CDYL2: variants seen among roughly 807,000 people sequenced by gnomAD.
CDYL2 encodes chromodomain Y-like protein 2.
A neutral mutation model predicts 49.4 loss-of-function variants in CDYL2; 23 were observed. The ratio of observed to expected loss-of-function variants is 0.47; its 90% CI spans 0.34 to 0.66. CDYL2 has a LOEUF of 0.66. Among genes scored for constraint, CDYL2 ranks in the 30% least tolerant of loss-of-function variants. CDYL2 has a pLI of 0.01. For synonymous variants in CDYL2, 360 were observed against 268.8 expected (o/e 1.34, Z -3.32); for missense variants, 678 against 656.4 (o/e 1.03, Z -0.36).
chr16:80,721,766 G>A (rs1474110041), intron 1 of CDYL2, among the ~76,000 whole-genome samples: 1 of 152,168 alleles, frequency 6.6e-6, no homozygotes, highest in Non-Finnish European at 1.5e-5. Context: ...GTGACCACAG[G>A]GAAGACAGAA....
rs1182901429 is a variant in CDYL2 at position 80,603,698 on chromosome 16, C to T, written c.*690G>A. 1.3e-5 allele frequency: 2 copies of T among 152,614 alleles called. No individual in the cohort carries two copies. The highest frequency in any genetic ancestry group is 4.8e-5 in the African/African-American group (2 of 41,448). The allele number at this position is 152,614 out of a possible 1,614,324, so 9.5% of individuals were successfully genotyped here. A position where few individuals can be genotyped will look rare whatever the true frequency, so the allele number is the denominator to read the frequency against. On this transcript the variant is annotated 3_prime_UTR_variant, in exon 7 of 7. Transcript: ENST00000570137. Reference sequence around the variant, plus strand: ...AAAACAAGTCCAAGGAAAGAAAAAACATTTCCCTAGTAGTTTGTTTTTGCA... The same window carrying T: ...AAAACAAGTCCAAGGAAAGAAAAAATATTTCCCTAGTAGTTTGTTTTTGCA...
chr16:80,675,916 G>C (rs143624876), intron 2 of CDYL2, among the ~76,000 whole-genome samples: 86 of 152,254 alleles, frequency 5.6e-4, no homozygotes, highest in African/African-American at 1.9e-3. Context: ...AGGACATTGA[G>C]GGAGGAAAAC....
At chr16:80,788,552 C>T (rs764191759) in intron 1 of CDYL2, among the ~76,000 whole-genome samples, 1 of 152,196 alleles carries the variant, frequency 6.6e-6, no homozygotes, top group Non-Finnish European at 1.5e-5. Context: ...CTGTGGAAAG[C>T]ACAGGTGCAA....
At chr16:80,800,136 T>A (rs554151459) in intron 1 of CDYL2, among the ~76,000 whole-genome samples, 14 of 152,318 alleles carry the variant, frequency 9.2e-5, no homozygotes, top group African/African-American at 3.4e-4. Flanking sequence ...GGAAATGCAC[T>A]CAAGTGCCTT....
chr16:80,748,494 G>A (rs994047899), intron 1 of CDYL2, among the ~76,000 whole-genome samples: 1 of 91,494 alleles, frequency 1.1e-5, no homozygotes, highest in Non-Finnish European at 1.9e-5. Context: ...GGGCGACAGA[G>A]CAAAACTCCA....
At chr16:80,711,829 C>T (rs527495031) in intron 1 of CDYL2, among the ~76,000 whole-genome samples, 1 of 152,136 alleles carries the variant, frequency 6.6e-6, no homozygotes, top group Non-Finnish European at 1.5e-5. Flanking sequence ...GTCTGATGTA[C>T]CTAGCAAGAG....
At chr16:80,655,967 C>T (rs1055481232) in intron 2 of CDYL2, among the ~76,000 whole-genome samples, 8 of 152,182 alleles carry the variant, frequency 5.3e-5, no homozygotes, top group African/African-American at 1.9e-4. Context: ...GCTTAGGGCT[C>T]TGCAGTCAGA....
chr16:80,642,338 G>C (rs1456527751), intron 2 of CDYL2, among the ~76,000 whole-genome samples: 1 of 152,262 alleles, frequency 6.6e-6, no homozygotes, highest in East Asian at 1.9e-4. Context: ...AGCTACTTGG[G>C]AGGCTGAGTT....
chr16:80,697,868 A>G (rs1904282220), intron 1 of CDYL2, among the ~76,000 whole-genome samples: 1 of 152,186 alleles, frequency 6.6e-6, no homozygotes, highest in Non-Finnish European at 1.5e-5. Flanking sequence ...TACAATGGAA[A>G]GAATAAAACA....
chr16:80,604,472 GCATTCCTT>G lies in CDYL2; in HGVS notation c.1429_1436del (p.Lys477ProfsTer14). 1 of 1,614,154 alleles carries G rather than the reference GCATTCCTT, an allele frequency of 6.2e-7. No individual in the cohort carries two copies. Among genetic ancestry groups the G allele is most frequent in the Non-Finnish European group, 8.5e-7 (1 of 1,180,020 alleles). On this transcript the variant is annotated frameshift_variant, in exon 7 of 7. Transcript: ENST00000570137. LOFTEE classifies it high-confidence loss of function. Reference sequence around the variant, plus strand: ...AGCTCCAGAGCTGCTTGAGCATGAGGCATTCCTTCTCGTTCACGTCTTCCAGCACTGAT... The same window carrying G: ...AGCTCCAGAGCTGCTTGAGCATGAGGCTCGTTCACGTCTTCCAGCACTGAT...
chr16:80,792,488 G>A (rs1907640362), intron 1 of CDYL2, among the ~76,000 whole-genome samples: 1 of 152,152 alleles, frequency 6.6e-6, no homozygotes. Flanking sequence ...CCATAAGCAT[G>A]CTCCTAACAC....
intron 2 of CDYL2, among the ~76,000 whole-genome samples, chr16:80,670,314 T>C (rs1439329860): frequency 1.3e-5 from 2 of 152,006 alleles, no homozygotes; most frequent in Non-Finnish European, 2.9e-5. Flanking sequence ...CTCATGCTGT[T>C]CTTGTGATAC....
At chr16:80,606,821 T>C (rs1906357566) in intron 6 of CDYL2, among the ~76,000 whole-genome samples, 1 of 151,978 alleles carries the variant, frequency 6.6e-6, no homozygotes, top group African/African-American at 2.4e-5. Flanking sequence ...GATGATTTTA[T>C]AAGGGGTTTC....
At chr16:80,630,071 T>C (rs1387416470) in intron 3 of CDYL2, among the ~76,000 whole-genome samples, 1 of 152,234 alleles carries the variant, frequency 6.6e-6, no homozygotes, top group Middle Eastern at 3.2e-3. Flanking sequence ...CTAAAACCTG[T>C]ATTCCTCCTC....
intron 2 of CDYL2, among the ~76,000 whole-genome samples, chr16:80,639,927 A>G (rs2142402607): frequency 6.6e-6 from 1 of 152,308 alleles, no homozygotes; most frequent in East Asian, 1.9e-4. Flanking sequence ...GACCAGCCCT[A>G]GCCAGAGGGG....
In CDYL2 at chr16:80,768,037, C is replaced by T. The variant is rs139669492; in HGVS notation, c.24+36113G>A. Reference sequence around the variant, plus strand: ...CCTGTTTGTTAGACCATTTCTACTCCTCCCAGTTCATATAAGCTAACACCA... The same window carrying T: ...CCTGTTTGTTAGACCATTTCTACTCTTCCCAGTTCATATAAGCTAACACCA... On this transcript the variant is annotated intron_variant, in intron 1 of 6. Transcript: ENST00000570137. Among the ~76,000 whole-genome samples, 68 of 152,276 alleles carry T rather than the reference C, an allele frequency of 4.5e-4. No homozygotes were observed. In the Middle Eastern group the frequency reaches 0.01, roughly 23 times the overall value.
chr16:80,650,491 GA>G, intron 2 of CDYL2, among the ~76,000 whole-genome samples: 1 of 152,288 alleles, frequency 6.6e-6, no homozygotes, highest in African/African-American at 2.4e-5. Context: ...AGGATGTGGA[GA>G]AAAGGGAACT....
chr16:80,761,251 C>A (rs139254544), intron 1 of CDYL2, among the ~76,000 whole-genome samples: 1 of 152,170 alleles, frequency 6.6e-6, no homozygotes, highest in Non-Finnish European at 1.5e-5. Context: ...GGTTGAACCA[C>A]CTGTGGTTAC....
chr16:80,665,505 T>TAAAAAAAAAAAAA (rs35248259), intron 2 of CDYL2, among the ~76,000 whole-genome samples: 1 of 121,632 alleles, frequency 8.2e-6, no homozygotes, highest in African/African-American at 3.3e-5. Context: ...TTTTTGCCAT[T>TAAAAAAAAAAAAA]AAAAAAAAAA....
Sources: allele counts gnomAD v4.1 joint callset (sites outside exome capture counted in the v4.1 genomes callset), GRCh38; gene constraint gnomAD v4.1.1; transcripts MANE v1.5; gene names NCBI Gene and HGNC (gene_info 2026-07-23, HGNC 2026-07-21).